Variants in INPP1 observed in about 807,000 individuals in gnomAD.
INPP1 encodes the protein inositol polyphosphate-1-phosphatase.
INPP1 carries 18 observed loss-of-function variants against 23.0 expected under a neutral mutation model. That is an observed-to-expected ratio of 0.78 (90% CI 0.54 to 1.16). The LOEUF (loss-of-function observed/expected upper bound fraction) is 1.16, where lower values mean the gene tolerates loss of function less well. INPP1 is among the 50% of genes most tolerant of loss of function. The probability of loss-of-function intolerance (pLI) is 0.00; values close to 1 mark genes in which losing one functional copy is unlikely to be tolerated. For synonymous variants in INPP1, 164 were observed against 176.3 expected (o/e 0.93, Z 0.55); for missense variants, 448 against 482.1 (o/e 0.93, Z 0.66).
intron 6 of INPP1, among the ~76,000 whole-genome samples, chr2:190,370,521 T>C (rs994070711): frequency 6.6e-6 from 1 of 152,236 alleles, no homozygotes; most frequent in Non-Finnish European, 1.5e-5. Context: ...TACTAAACTT[T>C]AAATACTAAA....
intron 2 of INPP1, among the ~76,000 whole-genome samples, chr2:190,349,741 A>AT (rs5837186): frequency 0.75 from 114,280 of 151,986 alleles, 43,350 homozygotes; most frequent in Non-Finnish European, 0.76. Context: ...AACACAGCAG[A>AT]AAAAAAAATA....
Position 190,346,996 on chromosome 2 carries a change from C to T in INPP1, c.-208-1892C>T, listed in dbSNP as rs1237452028. Among the ~76,000 whole-genome samples, 5 of 147,838 alleles carry T rather than the reference C, an allele frequency of 3.4e-5. No homozygotes were observed. Among genetic ancestry groups the T allele is most frequent in the Admixed American group, 1.3e-4 (2 of 14,824 alleles). On this transcript the variant is annotated intron_variant, in intron 1 of 6. Coordinates refer to ENST00000392329, the MANE Select transcript of INPP1 (RefSeq NM_001128928.2). This position sits in a 1 kb window ranked among gnomAD's most constrained non-coding sequence, Gnocchi z 5.1. ...AAGACAGGCATGCAAATTTGAATACCTTATTAGTAGCTTTTTTTTTTTTTT... is the reference window on the plus strand; with the variant it reads ...AAGACAGGCATGCAAATTTGAATACTTTATTAGTAGCTTTTTTTTTTTTTT...
chr2:190,363,289 G>A lies in INPP1; in HGVS notation c.265+602G>A, dbSNP rs1379802519. On this transcript the variant is annotated intron_variant, in intron 4 of 6. Coordinates refer to ENST00000392329, the MANE Select transcript of INPP1 (RefSeq NM_001128928.2). The surrounding 1 kb of genome is among the most constrained non-coding windows in gnomAD (Gnocchi z 4.4). ...GCTCTGTTGCCCAGGCTGGAGTGCAGTGGCACAATCTCGGTTCACTGCAAC... is the reference window on the plus strand; with the variant it reads ...GCTCTGTTGCCCAGGCTGGAGTGCAATGGCACAATCTCGGTTCACTGCAAC... 2.7e-4 allele frequency among the ~76,000 whole-genome samples: 41 copies of A among 152,142 alleles called. No individual in the cohort carries two copies. The highest frequency in any genetic ancestry group is 2.7e-3 in the Admixed American group (41 of 15,272).
intron 2 of INPP1, among the ~76,000 whole-genome samples, chr2:190,358,739 T>C (rs906653150): frequency 2.0e-5 from 3 of 152,218 alleles, no homozygotes; most frequent in Admixed American, 6.5e-5. Flanking sequence ...AGGTAGCTAT[T>C]ATTAAAAATG....
intron 1 of INPP1, among the ~76,000 whole-genome samples, chr2:190,348,347 T>A (rs1689263114): frequency 6.6e-6 from 1 of 152,058 alleles, no homozygotes; most frequent in Non-Finnish European, 1.5e-5. Flanking sequence ...TCTTTGAACC[T>A]GTAATTTTTT....
intron 2 of INPP1, among the ~76,000 whole-genome samples, chr2:190,357,784 G>A (rs2067394): frequency 0.42 from 64,434 of 152,006 alleles, 16,151 homozygotes; most frequent in African/African-American, 0.7. Context: ...ACTTGTTTGC[G>A]TGCCCATTAG....
chr2:190,362,795 A>G (rs1297937446), intron 4 of INPP1, 108 bp downstream of exon 4: 2 of 618,306 alleles, frequency 3.2e-6, no homozygotes, highest in Admixed American at 3.2e-5. Flanking sequence ...ACTGTAAACA[A>G]CATAATATAT....
chr2:190,349,500 ATAT>A (rs2124915590), intron 2 of INPP1, among the ~76,000 whole-genome samples: 1 of 152,324 alleles, frequency 6.6e-6, no homozygotes, highest in Non-Finnish European at 1.5e-5. Context: ...ATTATAAATA[ATAT>A]TCTATTGGAA....
intron 1 of INPP1, among the ~76,000 whole-genome samples, chr2:190,348,499 T>C (rs2165407): frequency 1 from 151,662 of 152,298 alleles, 75,518 homozygotes; most frequent in Middle Eastern, 1. Flanking sequence ...ATGTCCAGAA[T>C]TTTTTCATCA....
rs1231025748 is a variant in INPP1, at chr2:190,355,568, CTG to C, written c.-64-4469_-64-4468del. 6.6e-6 allele frequency among the ~76,000 whole-genome samples: 1 copy of C among 152,200 alleles called. No individual in the cohort carries two copies. The highest frequency in any genetic ancestry group is 1.5e-5 in the Non-Finnish European group (1 of 68,034). ...CTAAGCTGGGGTAGAGTCCAGCAAT[CTG>C]TTTTTTTAGAAGGCCATCTTGGGTA... On this transcript the variant is annotated intron_variant, in intron 2 of 6. Coordinates refer to ENST00000392329, the MANE Select transcript of INPP1 (RefSeq NM_001128928.2). This position sits in a 1 kb window ranked among gnomAD's most constrained non-coding sequence, Gnocchi z 5.1.
rs1243539227 is a variant in INPP1 at position 190,356,124 on chromosome 2, C to T, written c.-64-3915C>T. On this transcript the variant is annotated intron_variant, in intron 2 of 6. Transcript: ENST00000392329. This position sits in a 1 kb window ranked among gnomAD's most constrained non-coding sequence, Gnocchi z 6.4. ...TGCTTCCTTCAGGTTTGTGGCCTGC[C>T]TGTGTGAACTGAGTTGAGGATACAT... Among the ~76,000 whole-genome samples the T allele has an allele frequency of 1.3e-5, 2 of 152,156 alleles. No individual in the cohort carries two copies. The highest frequency in any genetic ancestry group is 2.9e-5 in the Non-Finnish European group (2 of 68,032).
rs755554704 is a variant in INPP1 at position 190,370,905 on chromosome 2, C to T, written c.703C>T (p.Leu235Phe). The change falls in exon 7 of 7, where the codon CTC becomes TTC. Residue 235 changes from leucine to phenylalanine, a missense_variant. Physicochemically the swap from Leu to Phe is conservative, Grantham distance 22 (BLOSUM62 0). Transcript: ENST00000392329. The stretch of plus-strand genomic sequence containing the variant: ...GGGGACCAACATGCATTCACTACAG[C>T]TCACCATCTCTAGAAGAAACGGCAG... ...YMGTNMHSLQLTISRRNGSET... is the reference protein window; with the variant it reads ...YMGTNMHSLQFTISRRNGSET... The T allele has an allele frequency of 2.5e-6, 4 of 1,614,150 alleles. No individual in the cohort carries two copies. The highest frequency in any genetic ancestry group is 3.4e-6 in the Non-Finnish European group (4 of 1,180,006).
chr2:190,369,542 C>A (rs1689758496), intron 6 of INPP1, among the ~76,000 whole-genome samples: 1 of 152,160 alleles, frequency 6.6e-6, no homozygotes, highest in Admixed American at 6.5e-5. Context: ...ATATAGTAAT[C>A]CTGTTCCCTG....
rs759679534 is a variant in INPP1, at chr2:190,355,752, G to A, written c.-64-4287G>A. The stretch of plus-strand genomic sequence containing the variant: ...TTAAAGTACAGTGTTGAAATAAAGT[G>A]GTCTTAGGTGAATGATGAGTATGTA... On this transcript the variant is annotated intron_variant, in intron 2 of 6. Coordinates refer to ENST00000392329, the MANE Select transcript of INPP1 (RefSeq NM_001128928.2). The surrounding 1 kb of genome is among the most constrained non-coding windows in gnomAD (Gnocchi z 5.1). Among the ~76,000 whole-genome samples the A allele has an allele frequency of 2.5e-4, 38 of 152,100 alleles. No individual in the cohort carries two copies. The highest frequency in any genetic ancestry group is 5.0e-4 in the Non-Finnish European group (34 of 68,008).
At position 190,360,162 on chromosome 2, in the gene INPP1, G is replaced by T. The variant is rs112424913; in HGVS notation, c.60G>T (p.Arg20=). 2 of 1,614,076 alleles carry T rather than the reference G, an allele frequency of 1.2e-6. No individual in the cohort carries two copies. Residue 20 remains arginine (R), a synonymous_variant, in exon 3 of 7, where the codon CGG becomes CGT. Coordinates refer to ENST00000392329, the MANE Select transcript of INPP1 (RefSeq NM_001128928.2). ...CTGAGAAGGCTGCTAACATTGCCCG[G>T]GCGTGCAGACAGCAGGAAGCCCTCT... The part of the protein sequence containing the change: ...CVSEKAANIA[R]ACRQQEALFQ...
intron 1 of INPP1, among the ~76,000 whole-genome samples, chr2:190,344,930 G>A (rs886647085): frequency 6.6e-6 from 1 of 152,168 alleles, no homozygotes; most frequent in Non-Finnish European, 1.5e-5. Context: ...CAGAAAAGTT[G>A]ATAAGGATCA....
rs1441121678 is a variant in INPP1, at chr2:190,354,643, G to A, written c.-64-5396G>A. 6.6e-6 allele frequency among the ~76,000 whole-genome samples: 1 copy of A among 152,212 alleles called. No homozygotes were observed. The highest frequency in any genetic ancestry group is 1.5e-5 in the Non-Finnish European group (1 of 68,038). ...CAGTCCTGCTGACACCTTGCTCTTG[G>A]ACTTCCAGTCCCCAGAACTGTGAGA... On this transcript the variant is annotated intron_variant, in intron 2 of 6. Coordinates refer to ENST00000392329, the MANE Select transcript of INPP1 (RefSeq NM_001128928.2). The surrounding 1 kb of genome is among the most constrained non-coding windows in gnomAD (Gnocchi z 4.8).
Position 190,356,294 on chromosome 2 carries a change from G to C in INPP1, c.-64-3745G>C, listed in dbSNP as rs995107006. On this transcript the variant is annotated intron_variant, in intron 2 of 6. Transcript: ENST00000392329. The surrounding 1 kb of genome is among the most constrained non-coding windows in gnomAD (Gnocchi z 6.4). Reference sequence around the variant, plus strand: ...TGACAGTGTTGCCTAGGGCCAAAACGAAGAGTGAACTCTGGGATAACCTTG... The same window carrying C: ...TGACAGTGTTGCCTAGGGCCAAAACCAAGAGTGAACTCTGGGATAACCTTG... 6.6e-6 allele frequency among the ~76,000 whole-genome samples: 1 copy of C among 152,318 alleles called. No homozygotes were observed. Among genetic ancestry groups the C allele is most frequent in the South Asian group, 2.1e-4 (1 of 4,820 alleles).
At position 190,366,786 on chromosome 2, in the gene INPP1, A is replaced by G; in HGVS notation, c.357A>G (p.Glu119=). ...TCAATGGTAACAAGGTGGCATCTGA[A>G]GCATTAGCCAGGGTTGTTCATCAGG... is the stretch of plus-strand genomic sequence containing the variant. ...KVLNGNKVAS[E]ALARVVHQDV... Residue 119 remains glutamate, a synonymous_variant, in exon 5 of 7, where the codon GAA becomes GAG. Coordinates refer to ENST00000392329, the MANE Select transcript of INPP1 (RefSeq NM_001128928.2). 6.2e-7 allele frequency: 1 copy of G among 1,613,100 alleles called. No individual in the cohort carries two copies. Among genetic ancestry groups the G allele is most frequent in the South Asian group, 1.1e-5 (1 of 91,052 alleles).
Sources: allele counts gnomAD v4.1 joint callset (sites outside exome capture counted in the v4.1 genomes callset), GRCh38; gene constraint gnomAD v4.1.1; non-coding constraint Gnocchi (gnomAD v3.1); transcripts MANE v1.5; gene names NCBI Gene and HGNC (gene_info 2026-07-23, HGNC 2026-07-21).